LSAMP: variants seen among roughly 807,000 people sequenced by gnomAD.
LSAMP encodes the protein limbic system-associated membrane protein.
Under a neutral mutation model 38.6 loss-of-function variants are expected in LSAMP, and 7 were observed. That is an observed-to-expected ratio of 0.18 (90% CI 0.10 to 0.34). LSAMP has a LOEUF of 0.34. Ranked by LOEUF, LSAMP falls within the 10% of genes least tolerant of loss-of-function variation. The pLI is 1.00. For missense variants in LSAMP, 313 were observed against 420.0 expected (o/e 0.75, Z 2.23); for synonymous variants, 154 against 166.8 (o/e 0.92, Z 0.59).
intron 3 of LSAMP, among the ~76,000 whole-genome samples, chr3:115,943,020 T>C (rs909053730): frequency 6.6e-6 from 1 of 152,274 alleles, no homozygotes; most frequent in African/African-American, 2.4e-5. Context: ...ATGAACAACA[T>C]ACGTTAAGAA....
intron 2 of LSAMP, among the ~76,000 whole-genome samples, chr3:116,056,456 C>T (rs567403809): frequency 5.0e-4 from 76 of 152,146 alleles, no homozygotes; most frequent in East Asian, 5.8e-4. Flanking sequence ...ATATATGATT[C>T]GGACAGAGAA....
intron 1 of LSAMP, among the ~76,000 whole-genome samples, chr3:116,318,085 A>T (rs1416217710): frequency 2.0e-5 from 3 of 149,946 alleles, no homozygotes; most frequent in Non-Finnish European, 4.4e-5. Flanking sequence ...GCAGTGAGCC[A>T]AGATCGTGCC....
intron 6 of LSAMP, among the ~76,000 whole-genome samples, chr3:115,836,139 T>C (rs994732204): frequency 5.9e-5 from 9 of 152,296 alleles, no homozygotes; most frequent in Admixed American, 5.9e-4. Flanking sequence ...TTTATATTGC[T>C]AAACCATCTT....
intron 1 of LSAMP, among the ~76,000 whole-genome samples, chr3:116,195,730 A>AT (rs397793211): frequency 6.6e-6 from 1 of 151,636 alleles, no homozygotes; most frequent in African/African-American, 2.4e-5. Context: ...AAAAAAAAAA[A>AT]CATTTAAAGG....
At chr3:115,816,692 TTATC>T (rs1934034994) in intron 6 of LSAMP, 2 of 1,158,884 alleles carry the variant, frequency 1.7e-6, no homozygotes, top group Non-Finnish European at 1.1e-6. Flanking sequence ...TAAAAAATCT[TTATC>T]AATTAAGAAG....
intron 1 of LSAMP, among the ~76,000 whole-genome samples, chr3:116,206,390 G>A (rs1399048520): frequency 6.6e-6 from 1 of 150,898 alleles, no homozygotes; most frequent in African/African-American, 2.4e-5. Context: ...GGGTTTTTTT[G>A]GTCTCTATTT....
chr3:115,850,348 G>A (rs1211229750), intron 4 of LSAMP, among the ~76,000 whole-genome samples: 4 of 152,092 alleles, frequency 2.6e-5, no homozygotes, highest in African/African-American at 2.4e-5. Context: ...TGTATACCAC[G>A]ATTGGACTTT....
At chr3:115,891,456 C>G (rs1033059288) in intron 3 of LSAMP, among the ~76,000 whole-genome samples, 1 of 152,048 alleles carries the variant, frequency 6.6e-6, no homozygotes, top group African/African-American at 2.4e-5. Context: ...CAGTCAAAGC[C>G]TTCCTACATC....
chr3:115,854,914 T>C (rs1935459434), intron 3 of LSAMP, among the ~76,000 whole-genome samples: 1 of 152,226 alleles, frequency 6.6e-6, no homozygotes, highest in African/African-American at 2.4e-5. Context: ...GCATTATTTA[T>C]TTTGAGAATA....
At chr3:116,098,955 G>C (rs1229530322) in intron 1 of LSAMP, among the ~76,000 whole-genome samples, 1 of 152,220 alleles carries the variant, frequency 6.6e-6, no homozygotes, top group Non-Finnish European at 1.5e-5. Flanking sequence ...ACTGTACAAA[G>C]AAAGCTGAAG....
intron 1 of LSAMP, among the ~76,000 whole-genome samples, chr3:116,412,293 A>G: frequency 6.6e-6 from 1 of 152,084 alleles, no homozygotes; most frequent in East Asian, 1.9e-4. Context: ...AGTTAAAAAG[A>G]TCTGTTCTCT....
chr3:116,174,532 T>C (rs1330440667), intron 1 of LSAMP, among the ~76,000 whole-genome samples: 1 of 152,040 alleles, frequency 6.6e-6, no homozygotes, highest in Non-Finnish European at 1.5e-5. Flanking sequence ...AGAAAACTGA[T>C]AACTTCGCTA....
chr3:116,194,242 CAGAT>C (rs1710822919), intron 1 of LSAMP, among the ~76,000 whole-genome samples: 1 of 151,932 alleles, frequency 6.6e-6, no homozygotes, highest in Non-Finnish European at 1.5e-5. Context: ...TGGGAGACCT[CAGAT>C]AGAAATGCAG....
chr3:115,957,939 C>T (rs959669254), intron 3 of LSAMP, among the ~76,000 whole-genome samples: 4 of 151,938 alleles, frequency 2.6e-5, no homozygotes, highest in African/African-American at 9.7e-5. Context: ...TCAGGTTTCC[C>T]AGGAGTGGAG....
intron 4 of LSAMP, among the ~76,000 whole-genome samples, chr3:115,844,811 T>C (rs916267256): frequency 2.0e-5 from 3 of 152,060 alleles, no homozygotes; most frequent in Admixed American, 1.3e-4. Context: ...ACCCCATCTC[T>C]ACTAAAATAC....
In LSAMP at chr3:115,973,553, C is replaced by T. The variant is rs544371520; in HGVS notation, c.514+45962G>A. Reference sequence around the variant, plus strand: ...TTCAAGACCAGCCTGCTCCACATGGCGAAATGCCGTCTCTACTAAAAATAT... The same window carrying T: ...TTCAAGACCAGCCTGCTCCACATGGTGAAATGCCGTCTCTACTAAAAATAT... On this transcript the variant is annotated intron_variant, in intron 3 of 6. Coordinates refer to ENST00000490035, the MANE Select transcript of LSAMP (RefSeq NM_002338.5). Among the ~76,000 whole-genome samples, 21 of 152,018 alleles carry T rather than the reference C, an allele frequency of 1.4e-4. No individual in the cohort carries two copies. In the South Asian group the frequency reaches 3.9e-3, roughly 29 times the overall value.
At chr3:115,966,079 A>G (rs769590048) in intron 3 of LSAMP, among the ~76,000 whole-genome samples, 4 of 152,138 alleles carry the variant, frequency 2.6e-5, no homozygotes, top group African/African-American at 7.2e-5. Flanking sequence ...GGCAAATGTA[A>G]CCATATGGCC....
Position 115,893,754 on chromosome 3 carries a change from C to T in LSAMP, c.515-41137G>A, listed in dbSNP as rs146184847. ...TCATAAAATGATGGTAACATTCTCT[C>T]GATTTTATGTTTAACTTCTATTTTT... On this transcript the variant is annotated intron_variant, in intron 3 of 6. Transcript: ENST00000490035. Among the ~76,000 whole-genome samples, 618 of 152,014 alleles carry T rather than the reference C, an allele frequency of 4.1e-3. 5 individuals are homozygous for T. Among genetic ancestry groups the T allele is most frequent in the Non-Finnish European group, 4.6e-3 (315 of 67,934 alleles).
intron 1 of LSAMP, among the ~76,000 whole-genome samples, chr3:116,142,385 C>T (rs767285113): frequency 6.6e-6 from 1 of 151,930 alleles, no homozygotes; most frequent in South Asian, 2.1e-4. Flanking sequence ...CATCTTGTTC[C>T]ACCTGTAATC....
Sources: allele counts gnomAD v4.1 joint callset (sites outside exome capture counted in the v4.1 genomes callset), GRCh38; gene constraint gnomAD v4.1.1; transcripts MANE v1.5; gene names NCBI Gene and HGNC (gene_info 2026-07-23, HGNC 2026-07-21).